Variants in PLB1 observed in about 807,000 individuals in gnomAD.
The protein encoded by PLB1 is phospholipase B1.
In PLB1, 242 loss-of-function variants were observed where a neutral mutation model predicts 227.4. That is an observed-to-expected ratio of 1.06 (90% CI 0.96 to 1.18). The LOEUF (loss-of-function observed/expected upper bound fraction) is 1.18, where lower values mean the gene tolerates loss of function less well. PLB1 is among the 50% of genes most tolerant of loss of function. The pLI is 0.00. For synonymous variants in PLB1, 757 were observed against 682.2 expected (o/e 1.11, Z -1.71); for missense variants, 1,858 against 1,816.3 (o/e 1.02, Z -0.42).
chr2:28,613,314 GC>G (rs1315009799), intron 43 of PLB1, among the ~76,000 whole-genome samples: 21 of 152,204 alleles, frequency 1.4e-4, no homozygotes, highest in African/African-American at 4.8e-4. Context: ...AGTGCTCACA[GC>G]CCTGGGCCCG....
intron 56 of PLB1, among the ~76,000 whole-genome samples, chr2:28,639,206 A>T (rs568984064): frequency 2.0e-5 from 3 of 152,132 alleles, no homozygotes; most frequent in Admixed American, 2.0e-4. Context: ...TGAGAAGGAG[A>T]GTGTGGAGGT....
intron 13 of PLB1, among the ~76,000 whole-genome samples, chr2:28,542,578 C>T (rs1489917573): frequency 6.6e-6 from 1 of 152,132 alleles, no homozygotes; most frequent in East Asian, 1.9e-4. Context: ...TGTGGTTATT[C>T]CGAAGAGAAT....
At chr2:28,600,729 A>G in intron 35 of PLB1, 80 bp from the exon 36 acceptor site, 2 of 1,353,142 alleles carry the variant, frequency 1.5e-6, no homozygotes, top group Non-Finnish European at 2.1e-6. Context: ...ATACTGTAGA[A>G]GCCTCTGGTT....
At chr2:28,568,950 C>G (rs182683212) in intron 20 of PLB1, among the ~76,000 whole-genome samples, 2 of 152,300 alleles carry the variant, frequency 1.3e-5, no homozygotes, top group Admixed American at 1.3e-4. Context: ...AAGCTGCCAC[C>G]TCCTAGGACA....
intron 25 of PLB1, among the ~76,000 whole-genome samples, chr2:28,584,558 C>T (rs10196311): frequency 0.39 from 58,923 of 152,046 alleles, 11,971 homozygotes; most frequent in African/African-American, 0.51. Flanking sequence ...CATTCAAACT[C>T]AAGGTTCAAA....
chr2:28,582,990 G>C (rs1680302669), intron 25 of PLB1, among the ~76,000 whole-genome samples: 1 of 152,088 alleles, frequency 6.6e-6, no homozygotes, highest in African/African-American at 2.4e-5. Flanking sequence ...GCCAGAGAAG[G>C]AGGTCAAACC....
intron 13 of PLB1, 28 bp from the exon 14 acceptor site, chr2:28,543,184 G>T (rs200681071): frequency 1.9e-6 from 3 of 1,593,594 alleles, no homozygotes; most frequent in Non-Finnish European, 2.6e-6. Flanking sequence ...GAGACAAAAG[G>T]TCCCGCTGTC....
At chr2:28,520,742 G>A (rs1390213758) in intron 4 of PLB1, among the ~76,000 whole-genome samples, 1 of 152,142 alleles carries the variant, frequency 6.6e-6, no homozygotes, top group Non-Finnish European at 1.5e-5. Flanking sequence ...GGAGGCTGAG[G>A]TGGGCAGATC....
intron 4 of PLB1, among the ~76,000 whole-genome samples, chr2:28,522,716 CG>C (rs1164170663): frequency 1.3e-5 from 2 of 152,188 alleles, no homozygotes; most frequent in Non-Finnish European, 1.5e-5. Context: ...TGCTGTCACT[CG>C]GCCCCCCCTT....
chr2:28,582,418 T>C lies in PLB1; in HGVS notation c.1646T>C (p.Phe549Ser), dbSNP rs1191887339. Reference sequence around the variant, plus strand: ...GCCTTTTCTCAGGTTCCTCGGGCATTTGTGAACCTGGTGACGGTGCTTGAG... The same window carrying C: ...GCCTTTTCTCAGGTTCCTCGGGCATCTGTGAACCTGGTGACGGTGCTTGAG... ...DILHAEVPRA[F>S]VNLVTVLEIV... is the part of the protein sequence containing the mutation. Residue 549 changes from phenylalanine to serine, a missense_variant, in exon 25 of 58, where the codon TTT becomes TCT. Physicochemically the swap from Phe to Ser is radical, Grantham distance 155. Transcript: ENST00000327757. 6.2e-7 allele frequency: 1 copy of C among 1,613,198 alleles called. No individual in the cohort carries two copies. The highest frequency in any genetic ancestry group is 1.7e-5 in the Admixed American group (1 of 59,950).
chr2:28,506,997 TC>T (rs1294421702), intron 1 of PLB1, among the ~76,000 whole-genome samples: 7 of 152,208 alleles, frequency 4.6e-5, no homozygotes, highest in African/African-American at 1.4e-4. Flanking sequence ...TTCCTGAGAC[TC>T]CCTTCTTGTT....
intron 17 of PLB1, among the ~76,000 whole-genome samples, chr2:28,557,524 T>G (rs1675330937): frequency 1.3e-5 from 2 of 152,236 alleles, no homozygotes; most frequent in Admixed American, 1.3e-4. Context: ...AGCCCTAGCA[T>G]GCCAAGCCTT....
chr2:28,620,248 C>G lies in PLB1; in HGVS notation c.3316-17C>G. The G allele has an allele frequency of 6.3e-7, 1 of 1,578,948 alleles. No homozygotes were observed. Among genetic ancestry groups the G allele is most frequent in the South Asian group, 1.2e-5 (1 of 86,888 alleles). ...AGCCTATACCCCAGCCCTGAACTTTCTTTTTGCTTTTTACAGACAGCAGTG... is the reference window on the plus strand; with the variant it reads ...AGCCTATACCCCAGCCCTGAACTTTGTTTTTGCTTTTTACAGACAGCAGTG... On this transcript the variant is annotated splice_polypyrimidine_tract_variant and intron_variant, in intron 46 of 57. Transcript: ENST00000327757.
chr2:28,571,027 A>G (rs1180609056), intron 20 of PLB1, among the ~76,000 whole-genome samples: 4 of 152,346 alleles, frequency 2.6e-5, no homozygotes, highest in African/African-American at 9.6e-5. Flanking sequence ...CCAAGATTGG[A>G]AATAAAGAAA....
At chr2:28,496,191 A>C (rs375223554) in intron 1 of PLB1, 22 bp downstream of exon 1, 256 of 1,611,952 alleles carry the variant, frequency 1.6e-4, no homozygotes, top group Admixed American at 7.0e-4. Context: ...TTTTGCTCAG[A>C]GGACAACCAG....
intron 26 of PLB1, among the ~76,000 whole-genome samples, chr2:28,586,139 G>T (rs1680873716): frequency 6.6e-6 from 1 of 152,222 alleles, no homozygotes; most frequent in Admixed American, 6.5e-5. Flanking sequence ...AGAAGTTTCA[G>T]AGTGGATCTA....
chr2:28,550,151 C>A, intron 16 of PLB1, 67 bp downstream of exon 16: 9 of 1,169,188 alleles, frequency 7.7e-6, no homozygotes, highest in Non-Finnish European at 9.8e-6. Context: ...CTTGCTGAAT[C>A]TTTCGAACCT....
At chr2:28,582,274 G>A (rs1027038116) in intron 24 of PLB1, 131 bp from the exon 25 acceptor site, 20 of 1,200,520 alleles carry the variant, frequency 1.7e-5, no homozygotes, top group Admixed American at 9.8e-5. Flanking sequence ...GAGCAGGGAC[G>A]GGTGGAGGAA....
In PLB1 at chr2:28,512,718, A is replaced by G. The variant is rs149222179; in HGVS notation, c.56-4090A>G. On this transcript the variant is annotated intron_variant, in intron 1 of 57. Transcript: ENST00000327757. ...TTTTTTTTTGTTGGCCTGGCATCCTAGGAGTCACCCTTGAGTCTGCATGGT... is the reference window on the plus strand; with the variant it reads ...TTTTTTTTTGTTGGCCTGGCATCCTGGGAGTCACCCTTGAGTCTGCATGGT... Among the ~76,000 whole-genome samples the G allele has an allele frequency of 6.2e-5, 9 of 144,128 alleles. No homozygotes were observed. The East Asian group carries it at 1.8e-3, about 29-fold the overall frequency. 94.6% of individuals were successfully genotyped at this position (144,128 alleles called of 152,430 possible).
Sources: allele counts gnomAD v4.1 joint callset (sites outside exome capture counted in the v4.1 genomes callset), GRCh38; gene constraint gnomAD v4.1.1; transcripts MANE v1.5; gene names NCBI Gene and HGNC (gene_info 2026-07-23, HGNC 2026-07-21).